The following PKHD1L1 variants were observed in gnomAD, a reference collection of about 807,000 sequenced individuals.
PKHD1L1 encodes fibrocystin-L.
A neutral mutation model predicts 462.9 loss-of-function variants in PKHD1L1; 434 were observed. The observed-to-expected ratio is 0.94, with a 90% CI of 0.87 to 1.02. The LOEUF (loss-of-function observed/expected upper bound fraction) is 1.02. Among genes scored for constraint, PKHD1L1 ranks in the 50% least tolerant of loss-of-function variants. The probability of loss-of-function intolerance (pLI) is 0.00; values close to 1 mark genes in which losing one functional copy is unlikely to be tolerated. For synonymous variants in PKHD1L1, 1,781 were observed against 1,750.0 expected (o/e 1.02, Z -0.44); for missense variants, 5,202 against 5,096.1 (o/e 1.02, Z -0.63).
At chr8:109,454,701 G>A (rs1816719606) in intron 44 of PKHD1L1, 22 bp from the exon 45 acceptor site, 1 of 1,608,982 alleles carries the variant, frequency 6.2e-7, no homozygotes, top group Non-Finnish European at 8.5e-7. Context: ...TTTCTGAATG[G>A]CATTTGTGAC....
Position 109,438,413 on chromosome 8 carries a change from A to G in PKHD1L1, c.3717A>G (p.Thr1239=). Residue 1239 remains threonine, a synonymous_variant, in exon 31 of 78, where the codon ACA becomes ACG. Transcript: ENST00000378402. The part of the protein sequence containing the change: ...RDAFSYNCLQ[T]PIITDFSPKV... ...CTTTTAGTTATAATTGTTTACAGAC[A>G]CCAATTATAACTGATTTTAGTCCAA... is the stretch of plus-strand genomic sequence containing the variant. The G allele has an allele frequency of 6.5e-7, 1 of 1,540,100 alleles. No homozygotes were observed. The highest frequency in any genetic ancestry group is 8.8e-7 in the Non-Finnish European group (1 of 1,139,964).
intron 11 of PKHD1L1, 50 bp from the exon 12 acceptor site, chr8:109,398,409 T>C: frequency 8.6e-7 from 1 of 1,157,062 alleles, no homozygotes. Flanking sequence ...TGATGTGATT[T>C]GCATTCTGAA....
At chr8:109,388,603 A>G (rs1812553016) in intron 7 of PKHD1L1, 53 bp downstream of exon 7, 5 of 1,245,984 alleles carry the variant, frequency 4.0e-6, no homozygotes, top group Non-Finnish European at 5.7e-6. Context: ...ATATAAGCAT[A>G]CTAAATTTAA....
At chr8:109,496,082 C>T (rs1206090013) in intron 63 of PKHD1L1, among the ~76,000 whole-genome samples, 1 of 152,118 alleles carries the variant, frequency 6.6e-6, no homozygotes, top group Non-Finnish European at 1.5e-5. Flanking sequence ...AAAGGTTAAA[C>T]AACTTTCCCA....
In PKHD1L1 at chr8:109,385,538, T is replaced by C; in HGVS notation, c.477T>C (p.Gly159=). ...TTTGGGGTTTTTGTTTGTTTTCAGGTACACTAATAACAATCCAAGGCAGAA... is the reference window on the plus strand; with the variant it reads ...TTTGGGGTTTTTGTTTGTTTTCAGGCACACTAATAACAATCCAAGGCAGAA... ...RSITPLSGTP[G]TLITIQGRIF... is the part of the protein sequence containing the mutation. The change falls in exon 6 of 78, where the codon GGT becomes GGC. Residue 159 remains glycine, a splice_region_variant and synonymous_variant. Coordinates refer to ENST00000378402, the MANE Select transcript of PKHD1L1 (RefSeq NM_177531.6). 1.3e-6 allele frequency: 2 copies of C among 1,581,640 alleles called. No homozygotes were observed. Among genetic ancestry groups the C allele is most frequent in the Non-Finnish European group, 8.6e-7 (1 of 1,158,560 alleles).
chr8:109,490,050 G>A lies in PKHD1L1; in HGVS notation c.9979G>A (p.Gly3327Arg), dbSNP rs370628975. The A allele has an allele frequency of 3.2e-6, 5 of 1,582,424 alleles. No homozygotes were observed. The African/African-American group carries it at 6.8e-5, about 21-fold the overall frequency. The stretch of plus-strand genomic sequence containing the variant: ...ATATGCTGTAACGTTTCTTAACCTA[G>A]GACAGGTTTGTGCTTTATTTTTAAT... ...PRYAVTFLNLGQIQEHGSSYI... is the reference protein window; with the variant it reads ...PRYAVTFLNLRQIQEHGSSYI... Residue 3327 changes from glycine to arginine, a missense_variant, in exon 60 of 78, where the codon GGA becomes AGA. This residue lies in a region of PKHD1L1 where 4,497 missense variants were observed against 4,336.8 expected (regional missense o/e 1.04). Transcript: ENST00000378402.
intron 71 of PKHD1L1, among the ~76,000 whole-genome samples, chr8:109,512,919 G>A (rs1466675845): frequency 2.0e-5 from 3 of 151,970 alleles, no homozygotes; most frequent in South Asian, 4.2e-4. Flanking sequence ...CACATCCCTT[G>A]TAAGTTGGAT....
intron 4 of PKHD1L1, among the ~76,000 whole-genome samples, chr8:109,383,696 G>A (rs1812289523): frequency 6.6e-6 from 1 of 151,486 alleles, no homozygotes; most frequent in African/African-American, 2.4e-5. Context: ...GTGGAACTCT[G>A]TTTGGTTTTC....
chr8:109,454,866 G>C lies in PKHD1L1; in HGVS notation c.6874+14G>C. 6.2e-7 allele frequency: 1 copy of C among 1,604,950 alleles called. No individual in the cohort carries two copies. The highest frequency in any genetic ancestry group is 1.3e-5 in the African/African-American group (1 of 74,712). On this transcript the variant is annotated intron_variant, in intron 45 of 77. Coordinates refer to ENST00000378402, the MANE Select transcript of PKHD1L1 (RefSeq NM_177531.6). ...TGGATCTGCACGGTACTGTGGCCAAGTGGCTAAGGGAGTTGGTAGAGGAAG... is the reference window on the plus strand; with the variant it reads ...TGGATCTGCACGGTACTGTGGCCAACTGGCTAAGGGAGTTGGTAGAGGAAG...
Position 109,464,969 on chromosome 8 carries a change from C to T in PKHD1L1, c.8137C>T (p.Leu2713Phe), listed in dbSNP as rs1249179453. The change falls in exon 49 of 78, where the codon CTT (leucine) becomes TTT (phenylalanine). Residue 2713 changes from leucine (L) to phenylalanine (F), a missense_variant. By Grantham distance (22) the Leu-to-Phe change is conservative (BLOSUM62 0). Around this residue, in one of 3 missense-constraint regions of PKHD1L1, gnomAD observed 4,497 missense variants for 4,336.8 expected, o/e 1.04. Coordinates refer to ENST00000378402, the MANE Select transcript of PKHD1L1 (RefSeq NM_177531.6). The stretch of plus-strand genomic sequence containing the variant: ...TAAAAATGCCAAAATAGTCGGCCAT[C>T]TTGATGAACTGGGAATGGGGTCTGC... Reference protein sequence around the residue: ...VIKNAKIVGHLDELGMGSAFC... With the variant: ...VIKNAKIVGHFDELGMGSAFC... 1 of 1,613,784 alleles carries T rather than the reference C, an allele frequency of 6.2e-7. No homozygotes were observed. The highest frequency in any genetic ancestry group is 2.2e-5 in the East Asian group (1 of 44,882).
In PKHD1L1 at chr8:109,532,847, AT is replaced by A. The variant is rs1404666855; in HGVS notation, c.*2758del. Among the ~76,000 whole-genome samples the A allele has an allele frequency of 6.6e-6, 1 of 152,174 alleles. No homozygotes were observed. The highest frequency in any genetic ancestry group is 2.4e-5 in the African/African-American group (1 of 41,434). On this transcript the variant is annotated 3_prime_UTR_variant, in exon 78 of 78. Coordinates refer to ENST00000378402, the MANE Select transcript of PKHD1L1 (RefSeq NM_177531.6). ...TATCCCCAAAAGTGCTATTTAAAAT[AT>A]CCCTAGCACTAATAATAACAATAAT...
At chr8:109,480,204 A>G in intron 55 of PKHD1L1, 65 bp downstream of exon 55, 1 of 1,459,792 alleles carries the variant, frequency 6.9e-7, no homozygotes, top group Non-Finnish European at 9.1e-7. Context: ...TATTTACTCA[A>G]ATAATAAGAA....
intron 48 of PKHD1L1, among the ~76,000 whole-genome samples, chr8:109,463,515 C>A (rs1824191): frequency 6.6e-6 from 1 of 151,976 alleles, no homozygotes; most frequent in Non-Finnish European, 1.5e-5. Context: ...GAGGAAGTAA[C>A]GTTTTATTTC....
intron 36 of PKHD1L1, among the ~76,000 whole-genome samples, 177 bp downstream of exon 36, chr8:109,443,293 A>G (rs1178671062): frequency 6.6e-6 from 1 of 152,170 alleles, no homozygotes; most frequent in Non-Finnish European, 1.5e-5. Context: ...TAAGGATCGC[A>G]TTAATGTCTT....
chr8:109,404,593 T>G lies in PKHD1L1; in HGVS notation c.1413T>G (p.Ser471Arg), dbSNP rs571327997. 6.3e-6 allele frequency: 10 copies of G among 1,595,848 alleles called. No individual in the cohort carries two copies. Among genetic ancestry groups the G allele is most frequent in the African/African-American group, 1.3e-5 (1 of 74,252 alleles). ...TCTTGCTGCAGGAGTACAGATTAAGTGCATTTGTTGATGTTGGACTGTACC... is the reference window on the plus strand; with the variant it reads ...TCTTGCTGCAGGAGTACAGATTAAGGGCATTTGTTGATGTTGGACTGTACC... ...IEILLQEYRL[S>R]AFVDVGLYQY... The change falls in exon 15 of 78, where the codon AGT becomes AGG. Residue 471 changes from serine to arginine, a missense_variant. Coordinates refer to ENST00000378402, the MANE Select transcript of PKHD1L1 (RefSeq NM_177531.6).
chr8:109,406,312 T>C, intron 16 of PKHD1L1, 23 bp from the exon 17 acceptor site: 1 of 1,530,760 alleles, frequency 6.5e-7, no homozygotes, highest in Non-Finnish European at 8.8e-7. Flanking sequence ...TTTGTTTGTT[T>C]GTTTGTTTTA....
chr8:109,464,109 A>C, intron 48 of PKHD1L1, 107 bp from the exon 49 acceptor site: 1 of 726,260 alleles, frequency 1.4e-6, no homozygotes, highest in Non-Finnish European at 1.8e-6. Flanking sequence ...ATTTGGAAGA[A>C]ATAAATATAT....
intron 68 of PKHD1L1, among the ~76,000 whole-genome samples, chr8:109,506,221 A>G (rs1007653239): frequency 1.3e-5 from 2 of 152,156 alleles, no homozygotes; most frequent in African/African-American, 4.8e-5. Flanking sequence ...GGGGCAGTGT[A>G]CCCAGCCCCC....
At position 109,533,751 on chromosome 8, in the gene PKHD1L1, A is replaced by C. The variant is rs1821093002; in HGVS notation, c.*3661A>C. Among the ~76,000 whole-genome samples, 1 of 152,190 alleles carries C rather than the reference A, an allele frequency of 6.6e-6. No individual in the cohort carries two copies. Among genetic ancestry groups the C allele is most frequent in the African/African-American group, 2.4e-5 (1 of 41,436 alleles). ...TATTGCTCCATAACTTGTGTTAGAAAATCTCCTTACTAAAAATCTACAGAA... is the reference window on the plus strand; with the variant it reads ...TATTGCTCCATAACTTGTGTTAGAACATCTCCTTACTAAAAATCTACAGAA... On this transcript the variant is annotated 3_prime_UTR_variant, in exon 78 of 78. Coordinates refer to ENST00000378402, the MANE Select transcript of PKHD1L1 (RefSeq NM_177531.6).
Sources: gnomAD v4.1 joint callset for allele counts (sites outside exome capture counted in the v4.1 genomes callset) on GRCh38, gnomAD v4.1.1 for gene constraint, gnomAD v4.1.1 regional missense constraint, MANE v1.5 for transcripts, NCBI Gene and HGNC (gene_info 2026-07-23, HGNC 2026-07-21) for gene names.